The following DDX52 variants were observed in gnomAD, a reference collection of about 807,000 sequenced individuals.
DDX52 encodes DExD-box helicase 52.
Under a neutral mutation model 76.1 loss-of-function variants are expected in DDX52, and 59 were observed. That is an observed-to-expected ratio of 0.78 (90% confidence interval 0.63 to 0.96). The LOEUF is 0.96. Ranked by LOEUF, DDX52 falls within the 40% of genes least tolerant of loss-of-function variation. DDX52 has a pLI of 0.00. For missense variants in DDX52, 707 were observed against 703.9 expected (o/e 1.00, Z -0.05); for synonymous variants, 231 against 244.1 (o/e 0.95, Z 0.50).
intron 6 of DDX52, among the ~76,000 whole-genome samples, chr17:37,628,308 A>T (rs1264631282): frequency 6.6e-6 from 1 of 152,144 alleles, no homozygotes; most frequent in African/African-American, 2.4e-5. Context: ...ACAACTACAA[A>T]TGTCTCCAAA....
At position 37,621,289 on chromosome 17, in the gene DDX52, A is replaced by G. The variant is rs1373459190; in HGVS notation, c.1351-12T>C. 1 of 1,600,030 alleles carries G rather than the reference A, an allele frequency of 6.2e-7. No individual in the cohort carries two copies. The highest frequency in any genetic ancestry group is 2.2e-5 in the East Asian group (1 of 44,760). ...ACTGTGTTATCTCTCTGGTTAACAG[A>G]ATATATATTAAATTGTTTTAGAATG... On this transcript the variant is annotated splice_polypyrimidine_tract_variant and intron_variant, in intron 10 of 14. Transcript: ENST00000617633.
At chr17:37,624,894 T>G (rs906483932) in intron 8 of DDX52, among the ~76,000 whole-genome samples, 6 of 152,070 alleles carry the variant, frequency 3.9e-5, no homozygotes, top group African/African-American at 1.4e-4. Context: ...ATCATAAATA[T>G]TTTTCCCATT....
At chr17:37,626,912 G>A (rs1187882683) in intron 6 of DDX52, 52 bp from the exon 7 acceptor site, 1 of 1,488,942 alleles carries the variant, frequency 6.7e-7, no homozygotes, top group Non-Finnish European at 9.3e-7. Flanking sequence ...TATCCCTCTT[G>A]AACTAGGAAT....
At chr17:37,618,927 G>T (rs2147337720) in intron 13 of DDX52, among the ~76,000 whole-genome samples, 2 of 152,338 alleles carry the variant, frequency 1.3e-5, no homozygotes, top group Admixed American at 1.3e-4. Flanking sequence ...TACTGACTGT[G>T]ATTAAAATAT....
rs1568604586 is a variant in DDX52, at chr17:37,628,413, G to GT, written c.859+147dup. On this transcript the variant is annotated intron_variant, in intron 6 of 14. Coordinates refer to ENST00000617633, the MANE Select transcript of DDX52 (RefSeq NM_007010.5). ...TATTTATGTATAACTTCTCAGTAGA[G>GT]TGAGAAGGGGATCGCTTTAGTTCTT... 2.2e-5 allele frequency: 14 copies of GT among 633,088 alleles called. 1 individual carries two copies. The highest frequency in any genetic ancestry group is 5.4e-6 in the Non-Finnish European group (2 of 368,554). The allele number at this position is 633,088 out of a possible 1,614,324, so 39.2% of individuals were successfully genotyped here. A position where few individuals can be genotyped will look rare whatever the true frequency, so the allele number is the denominator to read the frequency against.
intron 2 of DDX52, chr17:37,639,337 A>T: frequency 1.0e-6 from 1 of 966,178 alleles, no homozygotes; most frequent in Non-Finnish European, 1.2e-6. Flanking sequence ...AAGGCATCGC[A>T]AAGTAGAATA....
At chr17:37,635,511 T>C in intron 2 of DDX52, 1 of 427,270 alleles carries the variant, frequency 2.3e-6, no homozygotes, top group Non-Finnish European at 4.7e-6. Flanking sequence ...GATAGTTGTT[T>C]TGAAATTCAC....
intron 14 of DDX52, among the ~76,000 whole-genome samples, chr17:37,616,662 C>CAAAAAAAAAAAAAAAAAAAAA (rs1188716926): frequency 1.6e-5 from 2 of 122,450 alleles, no homozygotes; most frequent in African/African-American, 3.1e-5. Context: ...GACTCCATCT[C>CAAAAAAAAAAAAAAAAAAAAA]AAAAAAAAAA....
At chr17:37,637,960 A>G (rs764464229) in intron 2 of DDX52, among the ~76,000 whole-genome samples, 4 of 152,270 alleles carry the variant, frequency 2.6e-5, no homozygotes, top group Non-Finnish European at 5.9e-5. Context: ...AATCAGCTGC[A>G]GACAAGAGCA....
chr17:37,617,469 A>G (rs114697249), intron 14 of DDX52, among the ~76,000 whole-genome samples: 1,821 of 152,330 alleles, frequency 0.012, 31 homozygotes, highest in African/African-American at 0.04. Flanking sequence ...AAAGCTTCCT[A>G]GTATTACTGG....
intron 2 of DDX52, chr17:37,635,496 C>T: frequency 2.4e-6 from 1 of 408,450 alleles, no homozygotes; most frequent in South Asian, 1.8e-5. Flanking sequence ...GCTTCTTTCA[C>T]TCAAGATAGT....
chr17:37,633,794 T>C (rs1197636723), intron 2 of DDX52, among the ~76,000 whole-genome samples: 2 of 151,938 alleles, frequency 1.3e-5, no homozygotes, highest in African/African-American at 4.8e-5. Context: ...AAAATGGAAA[T>C]GAAAAGGCAA....
At chr17:37,624,806 T>C (rs922193181) in intron 8 of DDX52, among the ~76,000 whole-genome samples, 2 of 152,086 alleles carry the variant, frequency 1.3e-5, no homozygotes, top group African/African-American at 2.4e-5. Flanking sequence ...AAAGATTTAT[T>C]TATAGACCAA....
At chr17:37,623,029 T>C (rs1019161032) in intron 9 of DDX52, among the ~76,000 whole-genome samples, 6 of 152,222 alleles carry the variant, frequency 3.9e-5, no homozygotes, top group Non-Finnish European at 8.8e-5. Flanking sequence ...GCCTGGCTCC[T>C]GAGTCCATGG....
chr17:37,635,836 T>C lies in DDX52; in HGVS notation c.287-2418A>G, dbSNP rs528697645. Among the ~76,000 whole-genome samples the C allele has an allele frequency of 1.6e-4, 25 of 152,370 alleles. No homozygotes were observed. The South Asian group carries it at 4.6e-3, about 28-fold the overall frequency. ...CATCAACACTGTGAGAGCTTGTTTC[T>C]GTACATCCTTGCCCATACTTGGTAT... On this transcript the variant is annotated intron_variant, in intron 2 of 14. Transcript: ENST00000617633.
At chr17:37,626,935 A>C (rs1598758665) in intron 6 of DDX52, 75 bp from the exon 7 acceptor site, 2 of 1,195,876 alleles carry the variant, frequency 1.7e-6, no homozygotes, top group African/African-American at 3.1e-5. Flanking sequence ...AGCCTCCTCA[A>C]CTTCAGTTAA....
intron 2 of DDX52, chr17:37,635,729 A>C (rs746919901): frequency 2.6e-5 from 11 of 426,728 alleles, no homozygotes; most frequent in Non-Finnish European, 5.1e-5. Flanking sequence ...TCCAAGTGGA[A>C]TAGCTGGGTA....
chr17:37,637,381 T>C (rs576769409), intron 2 of DDX52, among the ~76,000 whole-genome samples: 1 of 151,564 alleles, frequency 6.6e-6, no homozygotes, highest in East Asian at 2.0e-4. Flanking sequence ...TCCACCCACC[T>C]CAGCCTCCCA....
At chr17:37,632,823 C>G (rs2030745789) in intron 3 of DDX52, among the ~76,000 whole-genome samples, 1 of 152,100 alleles carries the variant, frequency 6.6e-6, no homozygotes. Context: ...AGGTGTACAG[C>G]AGACACAAAA....
Sources: gnomAD v4.1 joint callset for allele counts (sites outside exome capture counted in the v4.1 genomes callset) on GRCh38, gnomAD v4.1.1 for gene constraint, MANE v1.5 for transcripts, NCBI Gene and HGNC (gene_info 2026-07-23, HGNC 2026-07-21) for gene names.